Variants in IL5RA observed in about 807,000 individuals in gnomAD.
The protein encoded by IL5RA is interleukin 5 receptor subunit alpha.
IL5RA carries 49 observed loss-of-function variants against 50.0 expected under a neutral mutation model. The ratio of observed to expected loss-of-function variants is 0.98; its 90% confidence interval spans 0.78 to 1.24. The LOEUF (loss-of-function observed/expected upper bound fraction) is 1.24. Ranked by LOEUF, IL5RA falls within the 50% of genes most tolerant of loss-of-function variation. The probability of loss-of-function intolerance (pLI) is 0.00; values close to 1 mark genes in which losing one functional copy is unlikely to be tolerated. For synonymous variants in IL5RA, 202 were observed against 174.0 expected (o/e 1.16, Z -1.26); for missense variants, 600 against 500.4 (o/e 1.20, Z -1.90).
At position 3,102,802 on chromosome 3, in the gene IL5RA, A is replaced by G. The variant is rs767127532; in HGVS notation, c.101T>C (p.Val34Ala). 5.9e-5 allele frequency: 95 copies of G among 1,609,854 alleles called. No homozygotes were observed. The highest frequency in any genetic ancestry group is 7.8e-5 in the Non-Finnish European group (92 of 1,178,708). ...ACCAGTAACTTTAATGGTGAAATTGACAGGTGGGAGAAGTGAAACTGTTGA... is the reference window on the plus strand; with the variant it reads ...ACCAGTAACTTTAATGGTGAAATTGGCAGGTGGGAGAAGTGAAACTGTTGA... The part of the protein sequence containing the change: ...PDEKISLLPP[V>A]NFTIKVTGLA... The change falls in exon 4 of 12, where the codon GTC (valine) becomes GCC (alanine). Residue 34 changes from valine (V) to alanine (A), a missense_variant. By Grantham distance (64) the Val-to-Ala change is moderately conservative. Transcript: ENST00000446632.
At chr3:3,079,765 T>G (rs975361905) in intron 9 of IL5RA, among the ~76,000 whole-genome samples, 1 of 152,172 alleles carries the variant, frequency 6.6e-6, no homozygotes, top group Non-Finnish European at 1.5e-5. Context: ...GCCGGGTGTG[T>G]TAGCTCATGC....
chr3:3,078,060 G>A (rs1297597103), intron 9 of IL5RA, among the ~76,000 whole-genome samples: 1 of 152,128 alleles, frequency 6.6e-6, no homozygotes, highest in African/African-American at 2.4e-5. Context: ...AGTCCATTAG[G>A]AAAGAATCAC....
At position 3,092,418 on chromosome 3, in the gene IL5RA, C is replaced by A; in HGVS notation, c.856-56G>T. On this transcript the variant is annotated intron_variant, in intron 8 of 11. Coordinates refer to ENST00000446632, the MANE Select transcript of IL5RA (RefSeq NM_175726.4). This position sits in a 1 kb window ranked among gnomAD's most constrained non-coding sequence, Gnocchi z 4.2. ...CTCTAGACACCTAATTTAGTTCTGCCGATTATCAGAATGGGAGGTCCTATA... is the reference window on the plus strand; with the variant it reads ...CTCTAGACACCTAATTTAGTTCTGCAGATTATCAGAATGGGAGGTCCTATA... The A allele has an allele frequency of 5.2e-6, 8 of 1,546,404 alleles. No homozygotes were observed. Among genetic ancestry groups the A allele is most frequent in the Non-Finnish European group, 7.1e-6 (8 of 1,131,156 alleles).
Position 3,092,294 on chromosome 3 carries a change from C to T in IL5RA, c.924G>A (p.Val308=). 6.2e-7 allele frequency: 1 copy of T among 1,614,128 alleles called. No homozygotes were observed. The highest frequency in any genetic ancestry group is 8.5e-7 in the Non-Finnish European group (1 of 1,180,014). The change falls in exon 9 of 12, where the codon GTG becomes GTA. Residue 308 remains valine (V), a synonymous_variant. Coordinates refer to ENST00000446632, the MANE Select transcript of IL5RA (RefSeq NM_175726.4). The surrounding 1 kb of genome is among the most constrained non-coding windows in gnomAD (Gnocchi z 4.2). The stretch of plus-strand genomic sequence containing the variant: ...TGCACATGGAGCTCACTGCTGCTCT[C>T]ACTTGAACATCGTACTTAGAAAGAT... The part of the protein sequence containing the change: ...IDDLSKYDVQ[V]RAAVSSMCRE...
In IL5RA at chr3:3,092,486, C is replaced by A. The variant is rs1703171537; in HGVS notation, c.856-124G>T. On this transcript the variant is annotated intron_variant, in intron 8 of 11. Transcript: ENST00000446632. The surrounding 1 kb of genome is among the most constrained non-coding windows in gnomAD (Gnocchi z 4.2). ...TGTTCAGCAAGTCCTTTAAAATCAACAGGGCACACATTAATTCGTTTATGC... is the reference window on the plus strand; with the variant it reads ...TGTTCAGCAAGTCCTTTAAAATCAAAAGGGCACACATTAATTCGTTTATGC... The A allele has an allele frequency of 4.7e-6, 4 of 857,600 alleles. No individual in the cohort carries two copies. The highest frequency in any genetic ancestry group is 7.4e-6 in the Non-Finnish European group (4 of 540,958). The allele number at this position is 857,600 out of a possible 1,614,324, so 53.1% of individuals were successfully genotyped here.
intron 9 of IL5RA, among the ~76,000 whole-genome samples, chr3:3,088,204 G>A (rs748815941): frequency 1.9e-4 from 29 of 152,174 alleles, no homozygotes; most frequent in African/African-American, 3.6e-4. Flanking sequence ...ATAAGCGCTC[G>A]TTATGGATCA....
At chr3:3,107,248 CATT>C (rs1308790897) in intron 2 of IL5RA, among the ~76,000 whole-genome samples, 3 of 73,540 alleles carry the variant, frequency 4.1e-5, no homozygotes, top group African/African-American at 1.3e-4. Flanking sequence ...AAAAGAATGA[CATT>C]TTTTTTTTTT....
intron 2 of IL5RA, among the ~76,000 whole-genome samples, chr3:3,106,003 C>T (rs17879461): frequency 6.6e-6 from 1 of 152,152 alleles, no homozygotes; most frequent in Non-Finnish European, 1.5e-5. Flanking sequence ...GTGCTCCCCC[C>T]AGAGATTTGG....
intron 1 of IL5RA, 46 bp downstream of exon 1, chr3:3,109,899 T>G (rs1241856670): frequency 6.6e-6 from 1 of 152,200 alleles, no homozygotes; most frequent in East Asian, 1.9e-4. Context: ...AAAAAGATAT[T>G]TATTTGCTTA....
intron 9 of IL5RA, among the ~76,000 whole-genome samples, chr3:3,089,777 C>G (rs1403497608): frequency 6.6e-6 from 1 of 152,134 alleles, no homozygotes; most frequent in African/African-American, 2.4e-5. Context: ...CGCGCACCAC[C>G]ACGCCCAGCT....
chr3:3,073,713 C>A, intron 11 of IL5RA: 1 of 427,194 alleles, frequency 2.3e-6, no homozygotes. Context: ...CTTAGGATGT[C>A]ACTTTTCCCC....
At chr3:3,098,761 T>A (rs1056436768) in intron 5 of IL5RA, among the ~76,000 whole-genome samples, 1 of 152,174 alleles carries the variant, frequency 6.6e-6, no homozygotes, top group African/African-American at 2.4e-5. Context: ...ACTGGAGATA[T>A]GGAATTAGAA....
At chr3:3,077,573 A>G (rs1023361894) in intron 9 of IL5RA, among the ~76,000 whole-genome samples, 2 of 152,194 alleles carry the variant, frequency 1.3e-5, no homozygotes, top group Admixed American at 6.5e-5. Flanking sequence ...GTTTGAAACC[A>G]GCCTGGCCAC....
intron 2 of IL5RA, among the ~76,000 whole-genome samples, chr3:3,106,108 CT>C (rs1224657970): frequency 6.6e-6 from 1 of 152,192 alleles, no homozygotes. Context: ...CTGAAATAAT[CT>C]GCCAAAGATC....
intron 4 of IL5RA, 86 bp from the exon 5 acceptor site, chr3:3,101,916 C>A: frequency 8.2e-7 from 1 of 1,215,462 alleles, no homozygotes; most frequent in Non-Finnish European, 1.1e-6. Context: ...TTTTCTTCTA[C>A]TTTTTAAATG....
chr3:3,091,928 T>C, intron 9 of IL5RA: 1 of 1,023,756 alleles, frequency 9.8e-7, no homozygotes. Flanking sequence ...GTGATAATTA[T>C]TTCAAAATAA....
At position 3,092,481 on chromosome 3, in the gene IL5RA, A is replaced by G. The variant is rs1478036340; in HGVS notation, c.856-119T>C. The G allele has an allele frequency of 6.7e-6, 6 of 901,710 alleles. No homozygotes were observed. In the East Asian group the frequency reaches 1.2e-4, roughly 18 times the overall value. The allele number at this position is 901,710 out of a possible 1,614,324, so 55.9% of individuals were successfully genotyped here. On this transcript the variant is annotated intron_variant, in intron 8 of 11. Coordinates refer to ENST00000446632, the MANE Select transcript of IL5RA (RefSeq NM_175726.4). The surrounding 1 kb of genome is among the most constrained non-coding windows in gnomAD (Gnocchi z 4.2). ...CTCACTGTTCAGCAAGTCCTTTAAA[A>G]TCAACAGGGCACACATTAATTCGTT...
chr3:3,087,397 C>T (rs992523990), intron 9 of IL5RA, among the ~76,000 whole-genome samples: 4 of 152,138 alleles, frequency 2.6e-5, no homozygotes, highest in African/African-American at 9.7e-5. Context: ...GACAGCACCC[C>T]CAGCCTCTCC....
rs765246795 is a variant in IL5RA at position 3,092,231 on chromosome 3, A to C, written c.987T>G (p.Ile329Met). The C allele has an allele frequency of 6.2e-7, 1 of 1,613,156 alleles. No homozygotes were observed. Among genetic ancestry groups the C allele is most frequent in the South Asian group, 1.1e-5 (1 of 90,800 alleles). ...AGLWSEWSQP[I>M]YVGNDEHKPL... ...TAAACATAAGCTACTTACCCACATA[A>C]ATAGGTTGGCTCCACTCACTCCAGA... The change falls in exon 9 of 12, where the codon ATT (isoleucine) becomes ATG (methionine). Residue 329 changes from isoleucine to methionine, a missense_variant. Ile to Met is a conservative substitution (Grantham distance 10). Coordinates refer to ENST00000446632, the MANE Select transcript of IL5RA (RefSeq NM_175726.4). The surrounding 1 kb of genome is among the most constrained non-coding windows in gnomAD (Gnocchi z 4.2).
Sources: gnomAD v4.1 joint callset for allele counts (sites outside exome capture counted in the v4.1 genomes callset) on GRCh38, gnomAD v4.1.1 for gene constraint, Gnocchi (gnomAD v3.1) non-coding constraint, MANE v1.5 for transcripts, NCBI Gene and HGNC (gene_info 2026-07-23, HGNC 2026-07-21) for gene names.